The following ARHGAP5 variants were observed in gnomAD, a reference collection of about 807,000 sequenced individuals.
ARHGAP5 encodes rho GTPase-activating protein 5.
Under a neutral mutation model 116.6 loss-of-function variants are expected in ARHGAP5, and 23 were observed. The observed-to-expected ratio is 0.20, with a 90% confidence interval of 0.14 to 0.28. The LOEUF is 0.28. ARHGAP5 is among the 10% of genes least tolerant of loss of function. ARHGAP5 has a pLI of 1.00. For synonymous variants in ARHGAP5, 574 were observed against 602.0 expected (o/e 0.95, Z 0.68); for missense variants, 1,405 against 1,774.8 (o/e 0.79, Z 3.74).
chr14:32,108,277 G>C lies in ARHGAP5; in HGVS notation c.3718-8863G>C, dbSNP rs374435976. ...GGGCAGTAACTAGAAGGCAATGTGG[G>C]ATCAAAGGAGGGTTTTTGTGTTTGT... On this transcript the variant is annotated intron_variant, in intron 2 of 6. Coordinates refer to ENST00000345122, the MANE Select transcript of ARHGAP5 (RefSeq NM_001030055.2). 2.2e-3 allele frequency among the ~76,000 whole-genome samples: 335 copies of C among 152,194 alleles called. 1 individual carries two copies. Among genetic ancestry groups the C allele is most frequent in the African/African-American group, 7.7e-3 (320 of 41,528 alleles).
intron 3 of ARHGAP5, among the ~76,000 whole-genome samples, chr14:32,126,406 A>G (rs1189734498): frequency 1.3e-5 from 2 of 152,140 alleles, no homozygotes; most frequent in African/African-American, 2.4e-5. Flanking sequence ...CTGTATTACT[A>G]CAATCTCTGC....
At chr14:32,149,523 A>G (rs1299329438) in intron 4 of ARHGAP5, among the ~76,000 whole-genome samples, 17 of 152,108 alleles carry the variant, frequency 1.1e-4, no homozygotes, top group African/African-American at 1.7e-4. Context: ...TAATTTCAGC[A>G]CTTTGGGAGG....
At chr14:32,094,581 T>A (rs1170171899) in intron 2 of ARHGAP5, among the ~76,000 whole-genome samples, 195 bp downstream of exon 2, 2 of 152,156 alleles carry the variant, frequency 1.3e-5, no homozygotes, top group Non-Finnish European at 2.9e-5. Context: ...AGAGTTTGAT[T>A]TCATATTCTT....
In ARHGAP5 at chr14:32,084,512, C is replaced by G. The variant is rs184622033; in HGVS notation, c.-168-5990C>G. 1.6e-3 allele frequency among the ~76,000 whole-genome samples: 245 copies of G among 152,256 alleles called. 1 individual carries two copies. Among genetic ancestry groups the G allele is most frequent in the African/African-American group, 5.7e-3 (235 of 41,524 alleles). On this transcript the variant is annotated intron_variant, in intron 1 of 6. Coordinates refer to ENST00000345122, the MANE Select transcript of ARHGAP5 (RefSeq NM_001030055.2). ...CCCAGCGGTTTGGAAGCTGATTATT[C>G]TTAGTCTGGAGATTGAGTCATTTAT...
At chr14:32,084,310 T>C (rs1276334180) in intron 1 of ARHGAP5, among the ~76,000 whole-genome samples, 1 of 152,250 alleles carries the variant, frequency 6.6e-6, no homozygotes, top group Non-Finnish European at 1.5e-5. Context: ...CTTGAAGTAC[T>C]ACACACCTTT....
intron 2 of ARHGAP5, 65 bp downstream of exon 2, chr14:32,094,451 A>T: frequency 2.5e-6 from 3 of 1,223,690 alleles, no homozygotes; most frequent in Non-Finnish European, 3.4e-6. Flanking sequence ...TAAAATACTG[A>T]CATCAGTGTT....
At chr14:32,141,436 A>T (rs1046711234) in intron 3 of ARHGAP5, among the ~76,000 whole-genome samples, 1 of 152,198 alleles carries the variant, frequency 6.6e-6, no homozygotes, top group Admixed American at 6.5e-5. Context: ...TATTGTCAGA[A>T]ATTACATCTT....
chr14:32,119,553 CA>C (rs1879779431), intron 3 of ARHGAP5, among the ~76,000 whole-genome samples: 1 of 151,470 alleles, frequency 6.6e-6, no homozygotes, highest in Admixed American at 6.6e-5. Flanking sequence ...TAACTGCCAC[CA>C]CAATCAAGAT....
chr14:32,129,251 T>C (rs1880352031), intron 3 of ARHGAP5, among the ~76,000 whole-genome samples: 1 of 152,220 alleles, frequency 6.6e-6, no homozygotes, highest in South Asian at 2.1e-4. Context: ...TATTGGCTAC[T>C]TGTAGTCCTT....
At chr14:32,079,047 G>GT (rs1254626619) in intron 1 of ARHGAP5, among the ~76,000 whole-genome samples, 5 of 152,108 alleles carry the variant, frequency 3.3e-5, no homozygotes, top group Admixed American at 6.5e-5. Flanking sequence ...ACAAAGAGCG[G>GT]TAAGTATGTG....
intron 3 of ARHGAP5, among the ~76,000 whole-genome samples, chr14:32,124,404 T>C (rs748542133): frequency 1.1e-4 from 16 of 152,214 alleles, no homozygotes; most frequent in Admixed American, 6.5e-4. Context: ...ATAATAGTAC[T>C]ATCTTAATAA....
intron 3 of ARHGAP5, among the ~76,000 whole-genome samples, chr14:32,122,847 A>G (rs1024374952): frequency 2.6e-5 from 4 of 152,170 alleles, no homozygotes; most frequent in African/African-American, 9.6e-5. Context: ...CTCATATTCT[A>G]TTGATCTGTA....
At chr14:32,114,998 AG>A (rs1303876871) in intron 2 of ARHGAP5, among the ~76,000 whole-genome samples, 1 of 152,236 alleles carries the variant, frequency 6.6e-6, no homozygotes, top group African/African-American at 2.4e-5. Context: ...TTTATGCCAG[AG>A]AAAATAAAAA....
intron 6 of ARHGAP5, among the ~76,000 whole-genome samples, chr14:32,152,888 T>C (rs1419003202): frequency 6.6e-6 from 1 of 152,122 alleles, no homozygotes; most frequent in Non-Finnish European, 1.5e-5. Context: ...TGACTTATTC[T>C]TCCTAAGTCT....
intron 1 of ARHGAP5, among the ~76,000 whole-genome samples, chr14:32,087,030 A>G (rs1006653622): frequency 3.9e-5 from 6 of 152,158 alleles, no homozygotes; most frequent in South Asian, 2.1e-4. Context: ...GCTAGATATC[A>G]TAAGAACAAG....
intron 2 of ARHGAP5, among the ~76,000 whole-genome samples, chr14:32,116,135 A>AAAAAT (rs1879567099): frequency 7.6e-6 from 1 of 132,130 alleles, no homozygotes; most frequent in Admixed American, 8.0e-5. Flanking sequence ...AAAAATACAA[A>AAAAAT]AATTAGCTGG....
At position 32,152,514 on chromosome 14, in the gene ARHGAP5, A is replaced by G; in HGVS notation, c.4167A>G (p.Ile1389Met). ...ACTATGATGTATTCAGATACGTGATAACACATCTAAACAGGTATTTTTATT... is the reference window on the plus strand; with the variant it reads ...ACTATGATGTATTCAGATACGTGATGACACATCTAAACAGGTATTTTTATT... ...PVNYDVFRYV[I>M]THLNRVSQQH... Residue 1389 changes from isoleucine to methionine, a missense_variant, in exon 6 of 7, where the codon ATA becomes ATG. Around this residue, in one of 6 missense-constraint regions of ARHGAP5, gnomAD observed 176 missense variants for 221.2 expected, o/e 0.80. Transcript: ENST00000345122. 1 of 1,554,092 alleles carries G rather than the reference A, an allele frequency of 6.4e-7. No homozygotes were observed. The highest frequency in any genetic ancestry group is 1.2e-5 in the South Asian group (1 of 81,698).
Position 32,093,593 on chromosome 14 carries a change from A to T in ARHGAP5, c.2924A>T (p.Tyr975Phe), listed in dbSNP as rs140808667. The T allele has an allele frequency of 6.2e-7, 1 of 1,613,952 alleles. No homozygotes were observed. Among genetic ancestry groups the T allele is most frequent in the South Asian group, 1.1e-5 (1 of 91,072 alleles). The change falls in exon 2 of 7, where the codon TAT becomes TTT. Residue 975 changes from tyrosine (Y) to phenylalanine (F), a missense_variant. Transcript: ENST00000345122. ...FLPSPRDCFP[Y>F]NNYPDSDDDT... ...CCATCTCCCAGAGACTGTTTTCCCT[A>T]TAATAACTACCCTGATTCAGATGAT...
chr14:32,104,330 G>A (rs1046703810), intron 2 of ARHGAP5, among the ~76,000 whole-genome samples: 4 of 152,174 alleles, frequency 2.6e-5, no homozygotes, highest in Admixed American at 6.5e-5. Flanking sequence ...TTTTTAGGAA[G>A]ATGTTATCTT....
Sources: gnomAD v4.1 joint callset for allele counts (sites outside exome capture counted in the v4.1 genomes callset) on GRCh38, gnomAD v4.1.1 for gene constraint, gnomAD v4.1.1 regional missense constraint, MANE v1.5 for transcripts, NCBI Gene and HGNC (gene_info 2026-07-23, HGNC 2026-07-21) for gene names.